Variants in PKD1L1 observed in about 807,000 individuals in gnomAD.
PKD1L1 encodes polycystin-1-like protein 1.
Under a neutral mutation model 323.4 loss-of-function variants are expected in PKD1L1, and 236 were observed. The ratio of observed to expected loss-of-function variants is 0.73; its 90% CI spans 0.66 to 0.81. The LOEUF is 0.81. Among genes scored for constraint, PKD1L1 ranks in the 40% least tolerant of loss-of-function variants. The pLI is 0.00. For missense variants in PKD1L1, 3,320 were observed against 3,508.0 expected (o/e 0.95, Z 1.35); for synonymous variants, 1,344 against 1,335.0 (o/e 1.01, Z -0.15).
chr7:47,958,174 A>G, the PKD1L1 span, among the ~76,000 whole-genome samples: 2 of 152,226 alleles, frequency 1.3e-5, no homozygotes, highest in African/African-American at 2.4e-5. Context: ...TGGAGGCATC[A>G]TAATACCTGA....
chr7:47,833,971 G>A (rs1340744004), intron 40 of PKD1L1, among the ~76,000 whole-genome samples: 3 of 152,196 alleles, frequency 2.0e-5, no homozygotes, highest in South Asian at 2.1e-4. Flanking sequence ...CAATCACCCC[G>A]AGCCTTGCTG....
At chr7:47,785,230 T>A (rs1430901045) in intron 56 of PKD1L1, among the ~76,000 whole-genome samples, 2 of 152,190 alleles carry the variant, frequency 1.3e-5, no homozygotes, top group African/African-American at 4.8e-5. Context: ...AAGAAACACA[T>A]CATAACATAG....
chr7:47,798,360 T>C (rs2128725198), intron 54 of PKD1L1, among the ~76,000 whole-genome samples: 1 of 152,338 alleles, frequency 6.6e-6, no homozygotes, highest in Admixed American at 6.5e-5. Flanking sequence ...AAATTGGATA[T>C]TCATTTATAA....
intron 52 of PKD1L1, 114 bp downstream of exon 52, chr7:47,808,133 C>T: frequency 3.0e-6 from 4 of 1,327,320 alleles, no homozygotes; most frequent in South Asian, 2.8e-5. Context: ...CATCATCTCT[C>T]GATATCAAAC....
intron 37 of PKD1L1, among the ~76,000 whole-genome samples, chr7:47,836,634 C>T (rs568356006): frequency 6.6e-6 from 1 of 152,350 alleles, no homozygotes; most frequent in East Asian, 1.9e-4. Flanking sequence ...TTCTCAAAGA[C>T]AACCGGCTGC....
Position 47,869,726 on chromosome 7 carries a change from T to C in PKD1L1, c.3897-3112A>G, listed in dbSNP as rs115142004. ...GATACATAAGACTCAAACAATAATA[T>C]AAATCAATTAGACCTAACAGATAAC... On this transcript the variant is annotated intron_variant, in intron 24 of 56. Coordinates refer to ENST00000289672, the MANE Select transcript of PKD1L1 (RefSeq NM_138295.5). Among the ~76,000 whole-genome samples the C allele has an allele frequency of 1.9e-3, 290 of 152,206 alleles. 1 individual carries two copies. The highest frequency in any genetic ancestry group is 6.6e-3 in the African/African-American group (276 of 41,544).
At chr7:47,816,858 C>T (rs1352529490) in intron 46 of PKD1L1, among the ~76,000 whole-genome samples, 1 of 152,186 alleles carries the variant, frequency 6.6e-6, no homozygotes, top group Non-Finnish European at 1.5e-5. Context: ...GACAGCAGGC[C>T]TGGAGCCGAC....
intron 52 of PKD1L1, among the ~76,000 whole-genome samples, chr7:47,803,864 T>A (rs574964168): frequency 6.6e-5 from 10 of 152,310 alleles, no homozygotes; most frequent in African/African-American, 2.2e-4. Context: ...ACGGCTCAGA[T>A]AAACAGTGTG....
At chr7:47,861,608 T>C (rs757360889) in intron 26 of PKD1L1, among the ~76,000 whole-genome samples, 3 of 151,994 alleles carry the variant, frequency 2.0e-5, no homozygotes, top group Non-Finnish European at 4.4e-5. Flanking sequence ...TGGGACTGGG[T>C]ACGGTGGCTC....
intron 9 of PKD1L1, among the ~76,000 whole-genome samples, chr7:47,906,973 G>A (rs1339105226): frequency 6.6e-6 from 1 of 152,110 alleles, no homozygotes; most frequent in Non-Finnish European, 1.5e-5. Context: ...TGCAAACTTG[G>A]ACCTTCCTAT....
intron 56 of PKD1L1, among the ~76,000 whole-genome samples, chr7:47,779,946 T>C (rs2128721074): frequency 6.6e-6 from 1 of 152,384 alleles, no homozygotes; most frequent in South Asian, 2.1e-4. Context: ...GGAAAAATAA[T>C]TAATATTTGC....
intron 7 of PKD1L1, among the ~76,000 whole-genome samples, chr7:47,928,667 C>A (rs573278661): frequency 2.6e-5 from 4 of 152,160 alleles, no homozygotes; most frequent in Non-Finnish European, 5.9e-5. Flanking sequence ...ACCCTCCACC[C>A]CCAATCATCA....
chr7:47,808,458 G>C (rs1005617395), intron 51 of PKD1L1, 71 bp from the exon 52 acceptor site: 1 of 1,569,860 alleles, frequency 6.4e-7, no homozygotes, highest in African/African-American at 1.4e-5. Context: ...CATGTGACAC[G>C]CGTTTGTAAG....
chr7:47,890,568 C>A lies in PKD1L1; in HGVS notation c.2649G>T (p.Leu883=). Reference sequence around the variant, plus strand: ...TGAACGCCGAGTCAGGGTAGGGGGACAGGAACACCCGGGTCTCAGAAGAGT... The same window carrying A: ...TGAACGCCGAGTCAGGGTAGGGGGAAAGGAACACCCGGGTCTCAGAAGAGT... ...GRNSSETRVF[L]SPYPDSAFRF... is the part of the protein sequence containing the mutation. Residue 883 remains leucine, a synonymous_variant, in exon 16 of 57, where the codon CTG becomes CTT. Transcript: ENST00000289672. The A allele has an allele frequency of 6.2e-7, 1 of 1,614,098 alleles. No individual in the cohort carries two copies. The highest frequency in any genetic ancestry group is 8.5e-7 in the Non-Finnish European group (1 of 1,180,036).
chr7:47,849,499 A>C (rs1785734500), intron 31 of PKD1L1, among the ~76,000 whole-genome samples: 1 of 152,170 alleles, frequency 6.6e-6, no homozygotes, highest in Non-Finnish European at 1.5e-5. Context: ...AACAAATCGC[A>C]AGAAAAAACA....
chr7:47,822,686 T>C (rs150989816), intron 45 of PKD1L1, among the ~76,000 whole-genome samples: 109 of 151,312 alleles, frequency 7.2e-4, no homozygotes, highest in African/African-American at 2.4e-3. Context: ...CATTACTGAG[T>C]CCTCCAATCA....
At chr7:47,816,961 C>T (rs990885040) in intron 46 of PKD1L1, among the ~76,000 whole-genome samples, 3 of 152,136 alleles carry the variant, frequency 2.0e-5, no homozygotes, top group Admixed American at 6.5e-5. Context: ...TGGTTCCGGG[C>T]GTGGTGGCTC....
At chr7:47,798,790 CA>C (rs1255317680) in intron 54 of PKD1L1, among the ~76,000 whole-genome samples, 4 of 148,078 alleles carry the variant, frequency 2.7e-5, no homozygotes, top group South Asian at 2.2e-4. Context: ...AACAAAGAAA[CA>C]AAAAAAATTC....
At chr7:47,880,268 A>G (rs1484750763) in intron 21 of PKD1L1, among the ~76,000 whole-genome samples, 1 of 71,158 alleles carries the variant, frequency 1.4e-5, no homozygotes, top group African/African-American at 7.4e-5. Flanking sequence ...ATATATACAT[A>G]TATATATATA....
Sources: gnomAD v4.1 joint callset for allele counts (sites outside exome capture counted in the v4.1 genomes callset) on GRCh38, gnomAD v4.1.1 for gene constraint, MANE v1.5 for transcripts, NCBI Gene and HGNC (gene_info 2026-07-23, HGNC 2026-07-21) for gene names.